Variants in MXD1 observed in about 807,000 individuals in gnomAD.
The protein encoded by MXD1 is MAX-binding protein.
MXD1 carries 9 observed loss-of-function variants against 25.7 expected under a neutral mutation model. The ratio of observed to expected loss-of-function variants is 0.35; its 90% CI spans 0.21 to 0.61. The LOEUF (loss-of-function observed/expected upper bound fraction) is 0.61, where lower values mean the gene tolerates loss of function less well. Ranked by LOEUF, MXD1 falls within the 20% of genes least tolerant of loss-of-function variation. The pLI, the probability that MXD1 is intolerant of heterozygous loss-of-function variation, is 0.75. For synonymous variants in MXD1, 99 were observed against 113.9 expected, an observed-to-expected ratio of 0.87 and a Z score of 0.83; for missense variants, 227 against 292.4, an observed-to-expected ratio of 0.78 and a Z score of 1.63.
chr2:69,922,037 C>T (rs1677074689), intron 3 of MXD1, among the ~76,000 whole-genome samples: 1 of 152,194 alleles, frequency 6.6e-6, no homozygotes, highest in Non-Finnish European at 1.5e-5. Context: ...GCATTTTAGT[C>T]AGAGGCAACA....
chr2:69,935,485 G>A lies in MXD1; in HGVS notation c.318+20G>A, dbSNP rs1336319728. On this transcript the variant is annotated intron_variant, in intron 4 of 5. Coordinates refer to ENST00000264444, the MANE Select transcript of MXD1 (RefSeq NM_002357.4). ...ATAAAGGTAAGTGTATTGTTGGGATGCTGCTTTATCTTTACCTGTTCAGTG... is the reference window on the plus strand; with the variant it reads ...ATAAAGGTAAGTGTATTGTTGGGATACTGCTTTATCTTTACCTGTTCAGTG... 3 of 1,526,870 alleles carry A rather than the reference G, an allele frequency of 2.0e-6. No homozygotes were observed. The highest frequency in any genetic ancestry group is 2.7e-6 in the Non-Finnish European group (3 of 1,100,876). The allele number at this position is 1,526,870 out of a possible 1,614,324, so 94.6% of individuals were successfully genotyped here.
chr2:69,921,005 A>G (rs921800728), intron 2 of MXD1, among the ~76,000 whole-genome samples: 4 of 152,224 alleles, frequency 2.6e-5, no homozygotes, highest in Non-Finnish European at 5.9e-5. Flanking sequence ...ATACTTGTTC[A>G]GTAAATAATT....
Position 69,915,207 on chromosome 2 carries a change from T to C in MXD1, c.-124T>C, listed in dbSNP as rs941763512. 3.2e-5 allele frequency: 28 copies of C among 874,420 alleles called. No individual in the cohort carries two copies. The highest frequency in any genetic ancestry group is 4.0e-5 in the Non-Finnish European group (26 of 645,520). The allele number at this position is 874,420 out of a possible 1,614,324, so 54.2% of individuals were successfully genotyped here. ...GTTGCCAGAGAGGCTCCCTCAGCCCTGCTCCGCGGGGTCCACAGCGGGCTC... is the reference window on the plus strand; with the variant it reads ...GTTGCCAGAGAGGCTCCCTCAGCCCCGCTCCGCGGGGTCCACAGCGGGCTC... On this transcript the variant is annotated 5_prime_UTR_variant, in exon 1 of 6. Transcript: ENST00000264444. The surrounding 1 kb of genome is among the most constrained non-coding windows in gnomAD (Gnocchi z 5.8).
At chr2:69,927,957 C>T (rs913355575) in intron 3 of MXD1, among the ~76,000 whole-genome samples, 2 of 151,420 alleles carry the variant, frequency 1.3e-5, no homozygotes, top group Non-Finnish European at 2.9e-5. Flanking sequence ...TATTTTTTCC[C>T]TCTTCAAAGT....
intron 2 of MXD1, among the ~76,000 whole-genome samples, chr2:69,918,197 A>T (rs1198314479): frequency 6.6e-6 from 1 of 152,212 alleles, no homozygotes; most frequent in Non-Finnish European, 1.5e-5. Context: ...GGATAGGGAG[A>T]GATTACTGCT....
At chr2:69,917,794 C>T (rs911119156) in intron 2 of MXD1, among the ~76,000 whole-genome samples, 11 of 147,328 alleles carry the variant, frequency 7.5e-5, no homozygotes, top group Non-Finnish European at 1.5e-4. Flanking sequence ...TGGATTCTTT[C>T]TAGTATCTTC....
chr2:69,927,492 T>C (rs1217322400), intron 3 of MXD1, among the ~76,000 whole-genome samples: 1 of 152,182 alleles, frequency 6.6e-6, no homozygotes, highest in Non-Finnish European at 1.5e-5. Flanking sequence ...CTATAACCCT[T>C]GAGTAGATGA....
intron 3 of MXD1, among the ~76,000 whole-genome samples, chr2:69,926,318 A>G (rs1017140510): frequency 6.6e-5 from 10 of 150,722 alleles, no homozygotes; most frequent in African/African-American, 1.9e-4. Flanking sequence ...TCCTGTGCCA[A>G]TATATACCCT....
Position 69,915,212 on chromosome 2 carries a change from CGCGGGGTCCACA to C in MXD1, c.-113_-102del, listed in dbSNP as rs1573397062. 2.7e-5 allele frequency: 25 copies of C among 914,480 alleles called. No individual in the cohort carries two copies. In the East Asian group the frequency reaches 6.3e-4, roughly 23 times the overall value. 56.6% of individuals were successfully genotyped at this position (914,480 alleles called of 1,614,324 possible). ...CAGAGAGGCTCCCTCAGCCCTGCTC[CGCGGGGTCCACA>C]GCGGGCTCCACAGCGGGCTCCATAG... On this transcript the variant is annotated 5_prime_UTR_variant, in exon 1 of 6. Coordinates refer to ENST00000264444, the MANE Select transcript of MXD1 (RefSeq NM_002357.4). This position sits in a 1 kb window ranked among gnomAD's most constrained non-coding sequence, Gnocchi z 5.8.
Position 69,942,883 on chromosome 2 carries a change from T to G in MXD1, c.*4599T>G, listed in dbSNP as rs1677643498. ...TACATGTTTTAGAGAATCTTTGCTGTGTATATGTAAACTGTATTGTTCAAC... is the reference window on the plus strand; with the variant it reads ...TACATGTTTTAGAGAATCTTTGCTGGGTATATGTAAACTGTATTGTTCAAC... On this transcript the variant is annotated 3_prime_UTR_variant, in exon 6 of 6. Coordinates refer to ENST00000264444, the MANE Select transcript of MXD1 (RefSeq NM_002357.4). The G allele has an allele frequency of 6.6e-6, 1 of 152,254 alleles. No individual in the cohort carries two copies. Among genetic ancestry groups the G allele is most frequent in the African/African-American group, 2.4e-5 (1 of 41,462 alleles). 9.4% of individuals were successfully genotyped at this position (152,254 alleles called of 1,614,324 possible).
chr2:69,937,258 A>C lies in MXD1; in HGVS notation c.342A>C (p.Lys114Asn), dbSNP rs539482630. 7 of 1,614,038 alleles carry C rather than the reference A, an allele frequency of 4.3e-6. No homozygotes were observed. In the Admixed American group the frequency reaches 1.2e-4, roughly 27 times the overall value. The change falls in exon 5 of 6, where the codon AAA becomes AAC. Residue 114 changes from lysine (K) to asparagine (N), a missense_variant. Transcript: ENST00000264444. ...AGAAACTTGAAGATTGTGACAGAAAAGCCGTTCACCAAATCGACCAGCTTC... is the reference window on the plus strand; with the variant it reads ...AGAAACTTGAAGATTGTGACAGAAACGCCGTTCACCAAATCGACCAGCTTC... ...HIKKLEDCDR[K>N]AVHQIDQLQR...
Position 69,938,748 on chromosome 2 carries a change from A to G in MXD1, c.*464A>G, listed in dbSNP as rs1677521011. 1 of 156,078 alleles carries G rather than the reference A, an allele frequency of 6.4e-6. No individual in the cohort carries two copies. Among genetic ancestry groups the G allele is most frequent in the African/African-American group, 2.4e-5 (1 of 41,466 alleles). The allele number at this position is 156,078 out of a possible 1,614,324, so 9.7% of individuals were successfully genotyped here. ...TCTCAGAACTCCAAAGTAAGCTTTG[A>G]AAGCAGCATTTAAGAGCACTTAACC... On this transcript the variant is annotated 3_prime_UTR_variant, in exon 6 of 6. Transcript: ENST00000264444.
intron 4 of MXD1, chr2:69,936,934 G>A: frequency 3.8e-6 from 2 of 526,362 alleles, no homozygotes; most frequent in Non-Finnish European, 3.8e-6. Context: ...GTTGGGGACT[G>A]CTGCCTGCAG....
chr2:69,933,091 C>T (rs1677333106), intron 3 of MXD1, among the ~76,000 whole-genome samples: 1 of 148,740 alleles, frequency 6.7e-6, no homozygotes, highest in African/African-American at 2.5e-5. Flanking sequence ...CCCAGATACT[C>T]AGGAGGCTGA....
intron 5 of MXD1, 82 bp downstream of exon 5, chr2:69,937,476 A>G (rs1172143099): frequency 1.5e-6 from 2 of 1,347,708 alleles, no homozygotes; most frequent in African/African-American, 2.9e-5. Context: ...GACAGGAGGC[A>G]GAGTGTAAGA....
intron 3 of MXD1, among the ~76,000 whole-genome samples, chr2:69,931,907 C>T (rs1573407456): frequency 6.6e-6 from 1 of 151,772 alleles, no homozygotes; most frequent in Non-Finnish European, 1.5e-5. Flanking sequence ...AAGAGGCAGC[C>T]GGGTGCCAGG....
rs56707330 is a variant in MXD1, at chr2:69,936,557, G to A, written c.319-678G>A. Among the ~76,000 whole-genome samples the A allele has an allele frequency of 5.2e-3, 799 of 152,284 alleles. 8 individuals carry two copies. The highest frequency in any genetic ancestry group is 0.019 in the African/African-American group (770 of 41,548). ...ATTATGGTTAGAAGCCTGCATTCATGACAATTCTGGGAGAAAACCTCTATT... is the reference window on the plus strand; with the variant it reads ...ATTATGGTTAGAAGCCTGCATTCATAACAATTCTGGGAGAAAACCTCTATT... On this transcript the variant is annotated intron_variant, in intron 4 of 5. Transcript: ENST00000264444.
chr2:69,921,789 G>A lies in MXD1; in HGVS notation c.203+24G>A, dbSNP rs773148108. The A allele has an allele frequency of 1.9e-6, 3 of 1,609,446 alleles. No individual in the cohort carries two copies. In the Admixed American group the frequency reaches 5.0e-5, roughly 27 times the overall value. On this transcript the variant is annotated intron_variant, in intron 3 of 5. Coordinates refer to ENST00000264444, the MANE Select transcript of MXD1 (RefSeq NM_002357.4). ...AGGTGAGTTGGGGATTTGGGAGGTG[G>A]AATGCGGGGAGCTTTGTTGCATTCT...
intron 2 of MXD1, among the ~76,000 whole-genome samples, chr2:69,920,433 C>G (rs1425871993): frequency 6.6e-6 from 1 of 151,838 alleles, no homozygotes; most frequent in Admixed American, 6.6e-5. Flanking sequence ...TCCTAAGATC[C>G]CTGTGAAAGA....
Sources: gnomAD v4.1 joint callset for allele counts (sites outside exome capture counted in the v4.1 genomes callset) on GRCh38, gnomAD v4.1.1 for gene constraint, Gnocchi (gnomAD v3.1) non-coding constraint, MANE v1.5 for transcripts, NCBI Gene and HGNC (gene_info 2026-07-23, HGNC 2026-07-21) for gene names.